Variants in PTPN1 observed in about 807,000 individuals in gnomAD.
PTPN1 encodes tyrosine-protein phosphatase non-receptor type 1.
A neutral mutation model predicts 59.9 loss-of-function variants in PTPN1; 12 were observed. The ratio of observed to expected loss-of-function variants is 0.20; its 90% CI spans 0.13 to 0.32. PTPN1 has a LOEUF of 0.32. Among genes scored for constraint, PTPN1 ranks in the 10% least tolerant of loss-of-function variants. The pLI is 1.00. For missense variants in PTPN1, 356 were observed against 549.2 expected (o/e 0.65, Z 3.52); for synonymous variants, 178 against 203.6 (o/e 0.87, Z 1.07).
rs771790557 is a variant in PTPN1 at position 50,579,336 on chromosome 20, A to G, written c.864+7A>G. ...GGGGGACTCTTCCGTGCAGGTCAGCATTGCCTTTGTTTGAATCCAGGTGTG... is the reference window on the plus strand; with the variant it reads ...GGGGGACTCTTCCGTGCAGGTCAGCGTTGCCTTTGTTTGAATCCAGGTGTG... On this transcript the variant is annotated splice_region_variant and intron_variant, in intron 7 of 9. Coordinates refer to ENST00000371621, the MANE Select transcript of PTPN1 (RefSeq NM_002827.4). 6.2e-7 allele frequency: 1 copy of G among 1,611,864 alleles called. No individual in the cohort carries two copies. Among genetic ancestry groups the G allele is most frequent in the Non-Finnish European group, 8.5e-7 (1 of 1,178,294 alleles).
intron 1 of PTPN1, among the ~76,000 whole-genome samples, chr20:50,533,994 G>C (rs764709839): frequency 1.3e-5 from 2 of 152,120 alleles, no homozygotes; most frequent in Non-Finnish European, 1.5e-5. Flanking sequence ...GCAATGGCGC[G>C]ATCTCGGCTC....
At chr20:50,581,199 T>A in intron 8 of PTPN1, 66 bp from the exon 9 acceptor site, 2 of 1,523,314 alleles carry the variant, frequency 1.3e-6, no homozygotes, top group Non-Finnish European at 1.8e-6. Flanking sequence ...CCTGCCACAA[T>A]AGCAGCATCC....
chr20:50,577,235 G>A (rs1300084285), intron 5 of PTPN1, among the ~76,000 whole-genome samples: 1 of 152,230 alleles, frequency 6.6e-6, no homozygotes, highest in African/African-American at 2.4e-5. Flanking sequence ...GGGTGAGGTG[G>A]TGTCTTTGCC....
Position 50,578,554 on chromosome 20 carries a change from G to A in PTPN1, c.627G>A (p.Gly209=), listed in dbSNP as rs2082848628. 1.2e-6 allele frequency: 2 copies of A among 1,614,204 alleles called. No homozygotes were observed. Among genetic ancestry groups the A allele is most frequent in the Non-Finnish European group, 8.5e-7 (1 of 1,180,046 alleles). Residue 209 remains glycine, a synonymous_variant, in exon 6 of 10, where the codon GGG becomes GGA. Transcript: ENST00000371621. ...CAGGGTCACTCAGCCCGGAGCACGG[G>A]CCCGTTGTGGTGCACTGCAGTGCAG... ...RESGSLSPEH[G]PVVVHCSAGI... is the part of the protein sequence containing the mutation.
At chr20:50,528,713 TAA>T (rs1262927497) in intron 1 of PTPN1, among the ~76,000 whole-genome samples, 2 of 100,392 alleles carry the variant, frequency 2.0e-5, no homozygotes, top group Non-Finnish European at 2.0e-5. Context: ...GACTCCATCT[TAA>T]AAAAAAAAAA....
At position 50,520,500 on chromosome 20, in the gene PTPN1, A is replaced by G. The variant is rs6012955; in HGVS notation, c.63+9910A>G. On this transcript the variant is annotated intron_variant, in intron 1 of 9. Coordinates refer to ENST00000371621, the MANE Select transcript of PTPN1 (RefSeq NM_002827.4). ...GCTAGTGGTTAAAAAGGCACAGTTG[A>G]TATTAGAGGATTTGTAAAAGATTAT... Among the ~76,000 whole-genome samples the G allele has an allele frequency of 1.2e-3, 184 of 152,206 alleles. 1 individual carries two copies. The highest frequency in any genetic ancestry group is 4.3e-3 in the African/African-American group (177 of 41,508).
intron 1 of PTPN1, among the ~76,000 whole-genome samples, chr20:50,552,440 T>C (rs1156386325): frequency 6.6e-6 from 1 of 152,212 alleles, no homozygotes; most frequent in Non-Finnish European, 1.5e-5. Context: ...GCTGCATTGT[T>C]ACCTTAGTTT....
At chr20:50,521,885 G>A (rs898950438) in intron 1 of PTPN1, among the ~76,000 whole-genome samples, 6 of 152,178 alleles carry the variant, frequency 3.9e-5, no homozygotes, top group Admixed American at 6.5e-5. Flanking sequence ...ACATGTGTGC[G>A]TTGCAGAGTT....
chr20:50,539,092 A>G (rs1242754219), intron 1 of PTPN1, among the ~76,000 whole-genome samples: 2 of 143,342 alleles, frequency 1.4e-5, no homozygotes, highest in African/African-American at 5.3e-5. Context: ...CTGGAGTGCA[A>G]CGGCACGATT....
At chr20:50,524,819 C>G (rs1255461776) in intron 1 of PTPN1, among the ~76,000 whole-genome samples, 1 of 152,004 alleles carries the variant, frequency 6.6e-6, no homozygotes, top group African/African-American at 2.4e-5. Flanking sequence ...TCATGATCCA[C>G]TCACTTCAGC....
intron 3 of PTPN1, among the ~76,000 whole-genome samples, chr20:50,565,536 T>C (rs954474225): frequency 6.6e-6 from 1 of 152,242 alleles, no homozygotes; most frequent in African/African-American, 2.4e-5. Flanking sequence ...TTGGATCATG[T>C]GAACAAGCAT....
intron 1 of PTPN1, among the ~76,000 whole-genome samples, chr20:50,550,362 A>C (rs2082697147): frequency 6.6e-6 from 1 of 152,184 alleles, no homozygotes; most frequent in African/African-American, 2.4e-5. Flanking sequence ...CAGTGAGTAA[A>C]AGGTACCCTT....
intron 1 of PTPN1, chr20:50,557,751 G>C (rs1462529475): frequency 1.3e-5 from 2 of 152,174 alleles, no homozygotes; most frequent in African/African-American, 2.4e-5. Flanking sequence ...TCCCACTGCT[G>C]ATCAGTACAG....
chr20:50,533,690 GC>G (rs11471457), intron 1 of PTPN1, among the ~76,000 whole-genome samples: 5 of 149,904 alleles, frequency 3.3e-5, no homozygotes, highest in East Asian at 2.0e-4. Context: ...GGACACCCTT[GC>G]CCCCCCCCAG....
chr20:50,579,950 G>C, intron 8 of PTPN1, 24 bp downstream of exon 8: 1 of 1,598,154 alleles, frequency 6.3e-7, no homozygotes, highest in Non-Finnish European at 8.6e-7. Flanking sequence ...GTCCCAGCTT[G>C]TTGGGGTGAG....
intron 1 of PTPN1, among the ~76,000 whole-genome samples, chr20:50,533,984 G>A (rs577929870): frequency 2.0e-5 from 3 of 152,280 alleles, no homozygotes; most frequent in South Asian, 4.1e-4. Flanking sequence ...AGGCTAAAGT[G>A]CAATGGCGCG....
chr20:50,580,034 A>T, intron 8 of PTPN1, 108 bp downstream of exon 8: 3 of 1,019,470 alleles, frequency 2.9e-6, no homozygotes, highest in Admixed American at 4.4e-5. Context: ...GTTGGCAAGC[A>T]GCGCTTCCGC....
intron 1 of PTPN1, among the ~76,000 whole-genome samples, chr20:50,524,669 CG>C (rs1169070105): frequency 6.7e-6 from 1 of 149,352 alleles, no homozygotes; most frequent in Non-Finnish European, 1.5e-5. Flanking sequence ...CTCCGCCTCC[CG>C]GGTTCAAGCG....
chr20:50,580,018 C>A, intron 8 of PTPN1, 92 bp downstream of exon 8: 1 of 1,203,208 alleles, frequency 8.3e-7, no homozygotes, highest in South Asian at 1.3e-5. Context: ...GTGGATGCAG[C>A]CTCCTGTTGG....
Sources: gnomAD v4.1 joint callset for allele counts (sites outside exome capture counted in the v4.1 genomes callset) on GRCh38, gnomAD v4.1.1 for gene constraint, MANE v1.5 for transcripts, NCBI Gene and HGNC (gene_info 2026-07-23, HGNC 2026-07-21) for gene names.